Variants in AADAT observed in about 807,000 individuals in gnomAD.
AADAT encodes kynurenine/alpha-aminoadipate aminotransferase, mitochondrial.
Under a neutral mutation model 56.2 loss-of-function variants are expected in AADAT, and 25 were observed. That is an observed-to-expected ratio of 0.44 (90% CI 0.32 to 0.62). AADAT has a LOEUF of 0.62. Ranked by LOEUF, AADAT falls within the 20% of genes least tolerant of loss-of-function variation. AADAT has a pLI of 0.04. For missense variants in AADAT, 387 were observed against 510.5 expected, an observed-to-expected ratio of 0.76 and a Z score of 2.33; for synonymous variants, 173 against 164.7, an observed-to-expected ratio of 1.05 and a Z score of -0.39.
At chr4:170,068,524 A>G (rs1239110599) in intron 8 of AADAT, 67 bp downstream of exon 8, 3 of 1,220,456 alleles carry the variant, frequency 2.5e-6, no homozygotes, top group East Asian at 4.9e-5. Flanking sequence ...GTGCTCTACC[A>G]TCTATTATTT....
intron 4 of AADAT, among the ~76,000 whole-genome samples, chr4:170,074,522 G>T (rs1731943737): frequency 6.6e-6 from 1 of 152,056 alleles, no homozygotes; most frequent in African/African-American, 2.4e-5. Context: ...TTCATTTACT[G>T]TTGTGTTCAT....
At chr4:170,070,809 G>T (rs1005108585) in intron 5 of AADAT, among the ~76,000 whole-genome samples, 157 bp from the exon 6 acceptor site, 5 of 152,180 alleles carry the variant, frequency 3.3e-5, no homozygotes, top group African/African-American at 1.2e-4. Flanking sequence ...GAGGAACAAG[G>T]CATTAAAGGC....
chr4:170,086,672 C>A (rs1003056247), intron 3 of AADAT, among the ~76,000 whole-genome samples: 12 of 152,102 alleles, frequency 7.9e-5, no homozygotes, highest in Non-Finnish European at 1.3e-4. Context: ...GTTCACTAAG[C>A]TTTTGGTAGG....
intron 3 of AADAT, among the ~76,000 whole-genome samples, chr4:170,081,130 G>T (rs1245847406): frequency 6.6e-6 from 1 of 152,068 alleles, no homozygotes; most frequent in Non-Finnish European, 1.5e-5. Flanking sequence ...AAAAACCCCA[G>T]AAATTTTGGA....
At chr4:170,070,710 C>T in intron 5 of AADAT, 58 bp from the exon 6 acceptor site, 4 of 1,198,714 alleles carry the variant, frequency 3.3e-6, no homozygotes, top group Non-Finnish European at 4.7e-6. Flanking sequence ...TAAAAGTTAT[C>T]TAAAATTAAA....
At chr4:170,061,826 T>C in intron 12 of AADAT, 66 bp downstream of exon 12, 2 of 1,149,602 alleles carry the variant, frequency 1.7e-6, no homozygotes, top group Non-Finnish European at 2.5e-6. Flanking sequence ...ATTCACAAAG[T>C]ATACACGTGC....
In AADAT at chr4:170,067,361, A is replaced by G. The variant is rs748131877; in HGVS notation, c.928T>C (p.Trp310Arg). The G allele has an allele frequency of 6.2e-7, 1 of 1,613,480 alleles. No homozygotes were observed. Among genetic ancestry groups the G allele is most frequent in the African/African-American group, 1.3e-5 (1 of 74,918 alleles). Residue 310 changes from tryptophan (W) to arginine (R), a missense_variant, in exon 9 of 13, where the codon TGG (tryptophan) becomes CGG (arginine). Transcript: ENST00000337664. Reference sequence around the variant, plus strand: ...TGAGCCATGAAACCTTCTTCTCCCCATTCGTGTAGAAGCTGTGATATCATG... The same window carrying G: ...TGAGCCATGAAACCTTCTTCTCCCCGTTCGTGTAGAAGCTGTGATATCATG... ...QLMISQLLHE[W>R]GEEGFMAHVD...
At chr4:170,089,974 G>A (rs1222549427), upstream of AADAT, 4 of 228,996 alleles carry the variant, frequency 1.7e-5, no homozygotes, top group East Asian at 9.1e-5. Context: ...CCAGGGCCCA[G>A]GCCGGTTTTG....
intron 10 of AADAT, among the ~76,000 whole-genome samples, chr4:170,065,072 C>T (rs1054690951): frequency 4.6e-5 from 7 of 152,224 alleles, no homozygotes; most frequent in African/African-American, 1.7e-4. Context: ...GAATAGCTCG[C>T]GTGTGCGTAT....
In AADAT at chr4:170,060,989, T is replaced by A. The variant is rs192025116; in HGVS notation, c.1237-20A>T. On this transcript the variant is annotated intron_variant, in intron 12 of 12. Coordinates refer to ENST00000337664, the MANE Select transcript of AADAT (RefSeq NM_016228.4). ...GAAGGCCTAAAACAGAAAAAAAAAA[T>A]TAGAATTAATTAAATTAGGATACTA... The A allele has an allele frequency of 2.8e-3, 3,885 of 1,388,324 alleles. 75 individuals carry two copies. In the African/African-American group the frequency reaches 0.049, roughly 17 times the overall value. 86.0% of individuals were successfully genotyped at this position (1,388,324 alleles called of 1,614,324 possible).
chr4:170,071,489 A>G (rs1252758075), intron 5 of AADAT, among the ~76,000 whole-genome samples: 4 of 152,370 alleles, frequency 2.6e-5, no homozygotes, highest in African/African-American at 9.6e-5. Context: ...AAGAATGATA[A>G]GAGAGAAGGC....
chr4:170,080,443 A>T (rs1732242020), intron 3 of AADAT, among the ~76,000 whole-genome samples: 1 of 152,124 alleles, frequency 6.6e-6, no homozygotes. Context: ...CTTGCCTTTA[A>T]CCCTTTGGAA....
chr4:170,067,358 C>T lies in AADAT; in HGVS notation c.931G>A (p.Gly311Arg). Reference protein sequence around the residue: ...LMISQLLHEWGEEGFMAHVDR... With the variant: ...LMISQLLHEWREEGFMAHVDR... Reference sequence around the variant, plus strand: ...ACATGAGCCATGAAACCTTCTTCTCCCCATTCGTGTAGAAGCTGTGATATC... The same window carrying T: ...ACATGAGCCATGAAACCTTCTTCTCTCCATTCGTGTAGAAGCTGTGATATC... The change falls in exon 9 of 13, where the codon GGA becomes AGA. Residue 311 changes from glycine to arginine, a missense_variant. Physicochemically the swap from Gly to Arg is moderately radical, Grantham distance 125. Transcript: ENST00000337664. 2.5e-6 allele frequency: 4 copies of T among 1,613,220 alleles called. No individual in the cohort carries two copies. The highest frequency in any genetic ancestry group is 3.4e-6 in the Non-Finnish European group (4 of 1,179,522).
chr4:170,068,744 C>A, intron 7 of AADAT, 57 bp from the exon 8 acceptor site: 1 of 1,126,730 alleles, frequency 8.9e-7, no homozygotes, highest in South Asian at 1.5e-5. Context: ...TAATACATAT[C>A]ACTTTCCTGA....
In AADAT at chr4:170,088,404, C is replaced by G. The variant is rs766118017; in HGVS notation, c.228G>C (p.Pro76=). ...TAAGTATTGATACTTACCCAGCACTCGGAGAATACTGAAGTGCTCTCTTCA... is the reference window on the plus strand; with the variant it reads ...TAAGTATTGATACTTACCCAGCACTGGGAGAATACTGAAGTGCTCTCTTCA... ...EMMKRALQYS[P]SAGIPELLSW... Residue 76 remains proline, a synonymous_variant, in exon 2 of 13, where the codon CCG becomes CCC. Transcript: ENST00000337664. The G allele has an allele frequency of 1.3e-6, 2 of 1,594,294 alleles. No individual in the cohort carries two copies. Among genetic ancestry groups the G allele is most frequent in the Non-Finnish European group, 1.7e-6 (2 of 1,164,352 alleles).
intron 5 of AADAT, among the ~76,000 whole-genome samples, chr4:170,072,442 A>G (rs1561016185): frequency 6.6e-6 from 1 of 152,124 alleles, no homozygotes; most frequent in African/African-American, 2.4e-5. Context: ...ACCTGAGGCA[A>G]TATTTTGAAC....
intron 1 of AADAT, 137 bp downstream of exon 1, chr4:170,089,487 G>T: frequency 1.1e-6 from 1 of 916,198 alleles, no homozygotes; most frequent in Non-Finnish European, 1.7e-6. Flanking sequence ...ATTTCTGCAC[G>T]CAGAGCCTGG....
chr4:170,076,576 C>T (rs1211829995), intron 4 of AADAT, among the ~76,000 whole-genome samples: 1 of 152,030 alleles, frequency 6.6e-6, no homozygotes, highest in Non-Finnish European at 1.5e-5. Flanking sequence ...GTTTATCTTT[C>T]TGTTGTTGAG....
In AADAT at chr4:170,070,660, AGG is replaced by A; in HGVS notation, c.655-10_655-9del. ...ATCATATTTTCTTGCAAGCTAAAAA[AGG>A]TTGAAGTAATTGTTTATTTCTTAAT... On this transcript the variant is annotated splice_polypyrimidine_tract_variant and intron_variant, in intron 5 of 12. Transcript: ENST00000337664. 6.6e-7 allele frequency: 1 copy of A among 1,521,672 alleles called. No homozygotes were observed. The highest frequency in any genetic ancestry group is 9.0e-7 in the Non-Finnish European group (1 of 1,107,568). 94.3% of individuals were successfully genotyped at this position (1,521,672 alleles called of 1,614,324 possible). A position where few individuals can be genotyped will look rare whatever the true frequency, so the allele number is the denominator to read the frequency against.
Sources: allele counts gnomAD v4.1 joint callset (sites outside exome capture counted in the v4.1 genomes callset), GRCh38; gene constraint gnomAD v4.1.1; transcripts MANE v1.5; gene names NCBI Gene and HGNC (gene_info 2026-07-23, HGNC 2026-07-21).